ZMAT4: variants seen among roughly 807,000 people sequenced by gnomAD.
ZMAT4 encodes zinc finger matrin-type 4.
Under a neutral mutation model 28.7 loss-of-function variants are expected in ZMAT4, and 17 were observed. That is an observed-to-expected ratio of 0.59 (90% CI 0.41 to 0.89). ZMAT4 has a LOEUF of 0.89. Ranked by LOEUF, ZMAT4 falls within the 40% of genes least tolerant of loss-of-function variation. The pLI is 0.00. For synonymous variants in ZMAT4, 117 were observed against 109.2 expected, an observed-to-expected ratio of 1.07 and a Z score of -0.44; for missense variants, 240 against 283.8, an observed-to-expected ratio of 0.85 and a Z score of 1.11.
At chr8:40,553,779 C>T (rs1044082900) in intron 6 of ZMAT4, among the ~76,000 whole-genome samples, 12 of 152,146 alleles carry the variant, frequency 7.9e-5, no homozygotes, top group Non-Finnish European at 2.9e-5. Context: ...ATCTCTATTA[C>T]ACTTTCTAGA....
At chr8:40,627,379 G>C (rs56194700) in intron 5 of ZMAT4, among the ~76,000 whole-genome samples, 1,738 of 152,060 alleles carry the variant, frequency 0.011, 35 homozygotes, top group African/African-American at 0.04. Context: ...CACACAAACA[G>C]ACACATACAC....
chr8:40,659,099 A>G (rs1211010012), intron 5 of ZMAT4, among the ~76,000 whole-genome samples: 14 of 152,182 alleles, frequency 9.2e-5, no homozygotes, highest in Non-Finnish European at 1.9e-4. Context: ...ACAATTAGAA[A>G]CAACATATAT....
chr8:40,709,032 G>A (rs1810489818), intron 3 of ZMAT4, among the ~76,000 whole-genome samples: 2 of 152,078 alleles, frequency 1.3e-5, no homozygotes, highest in African/African-American at 4.8e-5. Flanking sequence ...CAGTATCCAT[G>A]GGGAATTGGT....
chr8:40,662,895 C>G (rs764943892), intron 5 of ZMAT4, among the ~76,000 whole-genome samples: 1 of 152,138 alleles, frequency 6.6e-6, no homozygotes, highest in East Asian at 1.9e-4. Flanking sequence ...ATCTTTCACT[C>G]GTTCCACTTT....
At chr8:40,604,399 T>C (rs1805509718) in intron 5 of ZMAT4, among the ~76,000 whole-genome samples, 2 of 152,222 alleles carry the variant, frequency 1.3e-5, no homozygotes, top group South Asian at 4.1e-4. Flanking sequence ...GTCCCTTCTA[T>C]GCTGATTTTG....
In ZMAT4 at chr8:40,560,476, C is replaced by T. The variant is rs1385270158; in HGVS notation, c.674+20689G>A. On this transcript the variant is annotated intron_variant, in intron 6 of 6. Coordinates refer to ENST00000297737, the MANE Select transcript of ZMAT4 (RefSeq NM_024645.3). ...GCTATGAATTCTCCAGGTGATATTT[C>T]AATGCTTTAGCCTCCTGGGTACAAG... 2.0e-5 allele frequency among the ~76,000 whole-genome samples: 3 copies of T among 151,816 alleles called. No individual in the cohort carries two copies. The East Asian group carries it at 5.8e-4, about 29-fold the overall frequency.
chr8:40,755,788 C>T (rs1812653433), intron 3 of ZMAT4, among the ~76,000 whole-genome samples: 1 of 152,038 alleles, frequency 6.6e-6, no homozygotes, highest in Admixed American at 6.6e-5. Context: ...CATGATATAC[C>T]CTTCTTCTTT....
At chr8:40,773,754 G>T (rs1813481661) in intron 2 of ZMAT4, among the ~76,000 whole-genome samples, 1 of 152,018 alleles carries the variant, frequency 6.6e-6, no homozygotes, top group African/African-American at 2.4e-5. Flanking sequence ...GCTTTATCTT[G>T]AAGGTCTTTC....
chr8:40,896,230 G>T (rs1244320730), intron 1 of ZMAT4, among the ~76,000 whole-genome samples: 1 of 152,190 alleles, frequency 6.6e-6, no homozygotes, highest in Non-Finnish European at 1.5e-5. Context: ...TGGAGCTGGA[G>T]AATCAAGACT....
chr8:40,547,524 G>A (rs1803242383), intron 6 of ZMAT4, among the ~76,000 whole-genome samples: 1 of 152,134 alleles, frequency 6.6e-6, no homozygotes, highest in South Asian at 2.1e-4. Flanking sequence ...TGTGACTTGG[G>A]CAAATTACTT....
intron 1 of ZMAT4, among the ~76,000 whole-genome samples, chr8:40,850,022 A>G (rs546836987): frequency 1.3e-5 from 2 of 152,046 alleles, no homozygotes; most frequent in Non-Finnish European, 2.9e-5. Context: ...TGAGCAGGAC[A>G]TGTCGCTTCG....
intron 1 of ZMAT4, among the ~76,000 whole-genome samples, chr8:40,841,057 C>T (rs907756877): frequency 3.3e-5 from 5 of 152,176 alleles, no homozygotes; most frequent in East Asian, 1.9e-4. Flanking sequence ...TGGATGCTGG[C>T]GTCAGGGGCA....
chr8:40,866,125 G>C (rs1050894795), intron 1 of ZMAT4, among the ~76,000 whole-genome samples: 1 of 152,192 alleles, frequency 6.6e-6, no homozygotes, highest in Non-Finnish European at 1.5e-5. Flanking sequence ...AGGGCCCCTA[G>C]AAAGAAAGTG....
chr8:40,640,590 A>C (rs1806975059), intron 5 of ZMAT4, among the ~76,000 whole-genome samples: 4 of 152,028 alleles, frequency 2.6e-5, no homozygotes, highest in Admixed American at 2.6e-4. Context: ...AGTTCTGGAA[A>C]GTTCTGGGAA....
In ZMAT4 at chr8:40,881,726, C is replaced by A. The variant is rs1818283431; in HGVS notation, c.-5+15957G>T. Among the ~76,000 whole-genome samples the A allele has an allele frequency of 2.0e-5, 3 of 152,246 alleles. No individual in the cohort carries two copies. The South Asian group carries it at 6.2e-4, about 32-fold the overall frequency. Reference sequence around the variant, plus strand: ...CTTGAAAAAACAGCTCTCCCCAAAGCCCATGGTATCAGAACACCCATTCTT... The same window carrying A: ...CTTGAAAAAACAGCTCTCCCCAAAGACCATGGTATCAGAACACCCATTCTT... On this transcript the variant is annotated intron_variant, in intron 1 of 6. Transcript: ENST00000297737.
intron 3 of ZMAT4, among the ~76,000 whole-genome samples, chr8:40,703,948 T>C (rs1810249865): frequency 6.6e-6 from 1 of 152,226 alleles, no homozygotes; most frequent in Non-Finnish European, 1.5e-5. Flanking sequence ...ATGTAGTATA[T>C]GGAATTTCTT....
intron 1 of ZMAT4, among the ~76,000 whole-genome samples, chr8:40,860,235 C>T (rs868735323): frequency 2.0e-5 from 3 of 152,206 alleles, no homozygotes; most frequent in South Asian, 4.2e-4. Flanking sequence ...ATGGCTTTTA[C>T]AGCCTGAGGG....
intron 6 of ZMAT4, among the ~76,000 whole-genome samples, chr8:40,540,601 C>A (rs187067524): frequency 5.3e-5 from 8 of 152,304 alleles, no homozygotes; most frequent in Non-Finnish European, 1.0e-4. Context: ...GACATTCCTT[C>A]TAGGTATTAA....
At chr8:40,751,740 T>A (rs1812460617) in intron 3 of ZMAT4, among the ~76,000 whole-genome samples, 1 of 152,150 alleles carries the variant, frequency 6.6e-6, no homozygotes, top group Admixed American at 6.5e-5. Context: ...AGAGGATGAC[T>A]TCGATAGGTG....
Sources: allele counts gnomAD v4.1 joint callset (sites outside exome capture counted in the v4.1 genomes callset), GRCh38; gene constraint gnomAD v4.1.1; transcripts MANE v1.5; gene names NCBI Gene and HGNC (gene_info 2026-07-23, HGNC 2026-07-21).